CACNA1C: variants seen among roughly 807,000 people sequenced by gnomAD.
The protein encoded by CACNA1C is voltage-dependent L-type calcium channel subunit alpha-1C.
A neutral mutation model predicts 229.0 loss-of-function variants in CACNA1C; 30 were observed. The observed-to-expected ratio is 0.13, with a 90% confidence interval of 0.10 to 0.18. The LOEUF (loss-of-function observed/expected upper bound fraction) is 0.18. CACNA1C is among the 10% of genes least tolerant of loss of function. The pLI is 1.00. For synonymous variants in CACNA1C, 1,114 were observed against 1,132.5 expected (o/e 0.98, Z 0.33); for missense variants, 1,658 against 2,845.0 (o/e 0.58, Z 9.49).
intron 3 of CACNA1C, among the ~76,000 whole-genome samples, chr12:2,257,385 A>G (rs535430190): frequency 1.9e-4 from 29 of 152,176 alleles, no homozygotes; most frequent in Non-Finnish European, 2.2e-4. Flanking sequence ...GTGGAAGACA[A>G]TTTTTCCATG....
intron 3 of CACNA1C, among the ~76,000 whole-genome samples, chr12:2,316,511 A>G (rs972932054): frequency 5.9e-5 from 9 of 152,244 alleles, no homozygotes; most frequent in African/African-American, 1.9e-4. Context: ...AAGCTGACAC[A>G]TAGTGCTCAG....
chr12:1,984,040 T>C (rs922488528), intron 1 of CACNA1C, among the ~76,000 whole-genome samples: 1 of 152,096 alleles, frequency 6.6e-6, no homozygotes, highest in Non-Finnish European at 1.5e-5. Context: ...GATGTTAATC[T>C]AGACACCCCA....
intron 19 of CACNA1C, among the ~76,000 whole-genome samples, chr12:2,593,702 C>T (rs2066630070): frequency 6.6e-6 from 1 of 152,220 alleles, no homozygotes; most frequent in Admixed American, 6.5e-5. Context: ...CTGCTCCTTA[C>T]TTACATGGAA....
rs1227170164 is a variant in CACNA1C, at chr12:2,467,253, C to T, written c.757+9547C>T. Among the ~76,000 whole-genome samples, 4 of 152,284 alleles carry T rather than the reference C, an allele frequency of 2.6e-5. No individual in the cohort carries two copies. Among genetic ancestry groups the T allele is most frequent in the African/African-American group, 7.2e-5 (3 of 41,566 alleles). On this transcript the variant is annotated intron_variant, in intron 5 of 46. Transcript: ENST00000399655. This position sits in a 1 kb window ranked among gnomAD's most constrained non-coding sequence, Gnocchi z 4.6. ...TGTCTCATGGCACTGTTCCTGAATC[C>T]GAATGTCTGGGTGGGAGGGGACTAG...
intron 1 of CACNA1C, among the ~76,000 whole-genome samples, chr12:2,002,735 C>T (rs936935086): frequency 3.2e-4 from 48 of 152,270 alleles, no homozygotes; most frequent in African/African-American, 1.1e-3. Flanking sequence ...CTCTCTACTA[C>T]GGAATTACTT....
intron 3 of CACNA1C, among the ~76,000 whole-genome samples, chr12:2,336,662 G>A (rs1448961425): frequency 3.3e-5 from 5 of 152,142 alleles, no homozygotes; most frequent in African/African-American, 9.7e-5. Flanking sequence ...GCCTGTCCCC[G>A]AAAATTCTCA....
chr12:2,599,315 C>T (rs148609201), intron 21 of CACNA1C, among the ~76,000 whole-genome samples: 44 of 152,312 alleles, frequency 2.9e-4, no homozygotes, highest in Middle Eastern at 3.4e-3. Flanking sequence ...GCCTAAGGCC[C>T]GGTGTCATGT....
intron 29 of CACNA1C, among the ~76,000 whole-genome samples, chr12:2,623,195 A>G (rs2084307493): frequency 6.6e-6 from 1 of 152,160 alleles, no homozygotes; most frequent in Non-Finnish European, 1.5e-5. Flanking sequence ...ATGAAAGGAA[A>G]GTGGCTGTGA....
intron 3 of CACNA1C, among the ~76,000 whole-genome samples, chr12:2,433,667 C>T (rs1216082445): frequency 8.3e-6 from 1 of 121,030 alleles, no homozygotes; most frequent in Non-Finnish European, 1.9e-5. Flanking sequence ...CCATTGCCTA[C>T]AGACAGCCCT....
At chr12:2,509,351 C>T (rs939465662) in intron 8 of CACNA1C, among the ~76,000 whole-genome samples, 2 of 152,086 alleles carry the variant, frequency 1.3e-5, no homozygotes, top group Non-Finnish European at 2.9e-5. Context: ...TGGAATGTAA[C>T]CCTTATTCAT....
chr12:2,550,162 C>T, intron 10 of CACNA1C, 129 bp downstream of exon 10: 4 of 739,396 alleles, frequency 5.4e-6, no homozygotes, highest in Non-Finnish European at 9.1e-6. Flanking sequence ...TGGCAAGAAA[C>T]AAACCTCAGG....
intron 5 of CACNA1C, among the ~76,000 whole-genome samples, chr12:2,474,251 T>G (rs1156312260): frequency 1.3e-5 from 2 of 152,182 alleles, no homozygotes; most frequent in Admixed American, 1.3e-4. Context: ...TGTTTGGCCT[T>G]ATTATCAAGT....
At chr12:2,237,670 T>A (rs117649060) in intron 3 of CACNA1C, among the ~76,000 whole-genome samples, 1 of 152,136 alleles carries the variant, frequency 6.6e-6, no homozygotes, top group Admixed American at 6.5e-5. Context: ...CTGCTCCCTA[T>A]GATGTTGCCT....
rs180857059 is a variant in CACNA1C, at chr12:2,628,218, A to C, written c.3829-6079A>C. Among the ~76,000 whole-genome samples the C allele has an allele frequency of 8.5e-5, 13 of 152,310 alleles. No individual in the cohort carries two copies. In the East Asian group the frequency reaches 2.5e-3, roughly 29 times the overall value. On this transcript the variant is annotated intron_variant, in intron 29 of 46. Transcript: ENST00000399655. The stretch of plus-strand genomic sequence containing the variant: ...AAGGCATGCACCCGTCACCCCTTCC[A>C]CAGCAGTCCCCTCGCAGCTCTCCTG...
chr12:2,291,037 C>CT (rs1281739853), intron 3 of CACNA1C, among the ~76,000 whole-genome samples: 2 of 152,180 alleles, frequency 1.3e-5, no homozygotes, highest in Non-Finnish European at 2.9e-5. Context: ...AATTCCAGCT[C>CT]TGTGTGCAGG....
intron 3 of CACNA1C, among the ~76,000 whole-genome samples, chr12:2,381,027 C>A (rs1233543172): frequency 6.6e-6 from 1 of 152,136 alleles, no homozygotes; most frequent in Non-Finnish European, 1.5e-5. Flanking sequence ...GGGATGTGGC[C>A]CTTTGCAAGG....
At chr12:2,565,436 C>T (rs565209754) in intron 11 of CACNA1C, among the ~76,000 whole-genome samples, 7 of 148,254 alleles carry the variant, frequency 4.7e-5, no homozygotes, top group East Asian at 2.0e-4. Context: ...CACTGCAGTC[C>T]GCAGTCCGGC....
chr12:2,565,264 C>T (rs369785262), intron 11 of CACNA1C, among the ~76,000 whole-genome samples: 6 of 151,390 alleles, frequency 4.0e-5, no homozygotes, highest in South Asian at 2.1e-4. Context: ...GTCAGGAGAT[C>T]GAGACCATCC....
chr12:2,378,047 C>T (rs2098126035), intron 3 of CACNA1C, among the ~76,000 whole-genome samples: 7 of 152,134 alleles, frequency 4.6e-5, no homozygotes. Context: ...TATGATCCCC[C>T]GCAGAGCCGA....
Sources: gnomAD v4.1 joint callset for allele counts (sites outside exome capture counted in the v4.1 genomes callset) on GRCh38, gnomAD v4.1.1 for gene constraint, Gnocchi (gnomAD v3.1) non-coding constraint, MANE v1.5 for transcripts, NCBI Gene and HGNC (gene_info 2026-07-23, HGNC 2026-07-21) for gene names.